The following NCKAP5 variants were observed in gnomAD, a reference collection of about 807,000 sequenced individuals.
NCKAP5 encodes nck-associated protein 5.
NCKAP5 carries 92 observed loss-of-function variants against 167.0 expected under a neutral mutation model. That is an observed-to-expected ratio of 0.55 (90% CI 0.47 to 0.66). The LOEUF (loss-of-function observed/expected upper bound fraction) is 0.66, where lower values mean the gene tolerates loss of function less well. NCKAP5 is among the 30% of genes least tolerant of loss of function. NCKAP5 has a pLI of 0.00. For synonymous variants in NCKAP5, 891 were observed against 877.4 expected (o/e 1.02, Z -0.27); for missense variants, 2,378 against 2,315.0 (o/e 1.03, Z -0.56).
chr2:132,798,035 T>C (rs1400571469), intron 11 of NCKAP5, among the ~76,000 whole-genome samples: 1 of 152,198 alleles, frequency 6.6e-6, no homozygotes, highest in African/African-American at 2.4e-5. Context: ...ACCTTCAAAT[T>C]GTGTGTCTGT....
At chr2:133,158,790 T>C (rs2083674636) in intron 5 of NCKAP5, among the ~76,000 whole-genome samples, 1 of 152,080 alleles carries the variant, frequency 6.6e-6, no homozygotes, top group Non-Finnish European at 1.5e-5. Flanking sequence ...CATGCCTCAT[T>C]GATTACCCAT....
At chr2:133,408,509 C>T (rs781303334) in intron 3 of NCKAP5, among the ~76,000 whole-genome samples, 3 of 151,994 alleles carry the variant, frequency 2.0e-5, no homozygotes, top group Admixed American at 6.6e-5. Context: ...TAAAGCAATC[C>T]GCAAATATTT....
At position 133,499,448 on chromosome 2, in the gene NCKAP5, C is replaced by T. The variant is rs554610528; in HGVS notation, c.69+18010G>A. Among the ~76,000 whole-genome samples the T allele has an allele frequency of 7.2e-4, 110 of 152,336 alleles. 1 individual carries two copies. Among genetic ancestry groups the T allele is most frequent in the African/African-American group, 2.4e-3 (101 of 41,568 alleles). On this transcript the variant is annotated intron_variant, in intron 3 of 19. Coordinates refer to ENST00000409261, the MANE Select transcript of NCKAP5 (RefSeq NM_207363.3). Reference sequence around the variant, plus strand: ...TCAAAAGGCCATGCAAAAAAACCAACACCAGGTGGACACATCTTCTTGCCA... The same window carrying T: ...TCAAAAGGCCATGCAAAAAAACCAATACCAGGTGGACACATCTTCTTGCCA...
chr2:133,599,201 C>G, the NCKAP5 span, among the ~76,000 whole-genome samples: 1 of 152,354 alleles, frequency 6.6e-6, no homozygotes, highest in East Asian at 1.9e-4. Flanking sequence ...TTGTAGGGGA[C>G]ACAATTCAAC....
chr2:132,724,581 A>G (rs1690261482), intron 19 of NCKAP5, among the ~76,000 whole-genome samples: 1 of 151,446 alleles, frequency 6.6e-6, no homozygotes, highest in Non-Finnish European at 1.5e-5. Flanking sequence ...ATGACAATGA[A>G]CTCCCCTTCC....
intron 4 of NCKAP5, 43 bp downstream of exon 4, chr2:133,302,994 G>A: frequency 7.5e-7 from 1 of 1,341,528 alleles, no homozygotes; most frequent in South Asian, 1.2e-5. Flanking sequence ...AGCTATAAAG[G>A]ATGCTACCTG....
intron 11 of NCKAP5, among the ~76,000 whole-genome samples, chr2:132,851,554 G>C (rs1030639458): frequency 6.6e-6 from 1 of 152,136 alleles, no homozygotes; most frequent in South Asian, 2.1e-4. Flanking sequence ...CGGGCTGCAC[G>C]GGGCTTCAGT....
chr2:133,129,848 G>T, intron 6 of NCKAP5, 130 bp downstream of exon 6: 1 of 1,083,676 alleles, frequency 9.2e-7, no homozygotes. Flanking sequence ...CAGAACAGAA[G>T]GTCTAAATGG....
At chr2:133,021,571 TG>T (rs1219194046) in intron 6 of NCKAP5, among the ~76,000 whole-genome samples, 2 of 152,256 alleles carry the variant, frequency 1.3e-5, no homozygotes, top group Non-Finnish European at 2.9e-5. Flanking sequence ...CAGGCACACA[TG>T]CACATGATGC....
chr2:133,665,575 G>A, the NCKAP5 span, among the ~76,000 whole-genome samples: 3 of 152,142 alleles, frequency 2.0e-5, no homozygotes, highest in Non-Finnish European at 4.4e-5. Flanking sequence ...TATATAAATA[G>A]TAATAATTTA....
At position 133,567,753 on chromosome 2, in the gene NCKAP5, C is replaced by T. The variant is rs192245190; in HGVS notation, c.-130+463G>A. Among the ~76,000 whole-genome samples the T allele has an allele frequency of 4.6e-5, 7 of 150,576 alleles. No individual in the cohort carries two copies. The East Asian group carries it at 7.9e-4, about 17-fold the overall frequency. ...ACGAGAGACCATAAACATCAACATC[C>T]ACACACTAGAAATCCATAAACCACA... On this transcript the variant is annotated intron_variant, in intron 1 of 19. Coordinates refer to ENST00000409261, the MANE Select transcript of NCKAP5 (RefSeq NM_207363.3).
At chr2:132,728,474 T>C (rs1690677975) in intron 18 of NCKAP5, among the ~76,000 whole-genome samples, 1 of 150,554 alleles carries the variant, frequency 6.6e-6, no homozygotes, top group Non-Finnish European at 1.5e-5. Context: ...ACTACTGAGA[T>C]ACTGAAAAAA....
At chr2:132,794,263 T>TATATATATAGAGAG (rs762281677) in intron 12 of NCKAP5, among the ~76,000 whole-genome samples, 1 of 11,910 alleles carries the variant, frequency 8.4e-5, no homozygotes, top group Non-Finnish European at 1.7e-4. Flanking sequence ...TATATATATA[T>TATATATATAGAGAG]AGAGAGAGAG....
At chr2:132,717,710 G>GT (rs1298285815) in intron 19 of NCKAP5, among the ~76,000 whole-genome samples, 1 of 152,122 alleles carries the variant, frequency 6.6e-6, no homozygotes, top group Non-Finnish European at 1.5e-5. Context: ...AAAACCAATT[G>GT]TTTTTAACTC....
At chr2:132,719,495 G>A (rs540469303) in intron 19 of NCKAP5, among the ~76,000 whole-genome samples, 1 of 152,354 alleles carries the variant, frequency 6.6e-6, no homozygotes, top group East Asian at 1.9e-4. Flanking sequence ...AGTGGACTGT[G>A]TGGGTGATGG....
intron 11 of NCKAP5, among the ~76,000 whole-genome samples, chr2:132,845,443 T>C (rs2105447600): frequency 6.6e-6 from 1 of 152,262 alleles, no homozygotes; most frequent in East Asian, 1.9e-4. Flanking sequence ...TTTAGGGTAT[T>C]AACCCATGTA....
At chr2:133,048,267 T>C (rs115806618) in intron 6 of NCKAP5, among the ~76,000 whole-genome samples, 1 of 152,314 alleles carries the variant, frequency 6.6e-6, no homozygotes, top group African/African-American at 2.4e-5. Flanking sequence ...TTCTAGCCTC[T>C]CTAAATTGGT....
intron 3 of NCKAP5, among the ~76,000 whole-genome samples, chr2:133,402,105 T>G (rs1688140655): frequency 6.6e-6 from 1 of 152,142 alleles, no homozygotes; most frequent in Admixed American, 6.5e-5. Context: ...GTGGTTTTAG[T>G]TAGGATTTAA....
chr2:132,685,716 G>A (rs1027288022), intron 19 of NCKAP5, among the ~76,000 whole-genome samples: 1 of 152,038 alleles, frequency 6.6e-6, no homozygotes, highest in Non-Finnish European at 1.5e-5. Context: ...CTTTCTGTCT[G>A]TTTTTCTCCC....
Sources: gnomAD v4.1 joint callset for allele counts (sites outside exome capture counted in the v4.1 genomes callset) on GRCh38, gnomAD v4.1.1 for gene constraint, MANE v1.5 for transcripts, NCBI Gene and HGNC (gene_info 2026-07-23, HGNC 2026-07-21) for gene names.